PDE8B: variants seen among roughly 807,000 people sequenced by gnomAD.
The protein encoded by PDE8B is high affinity cAMP-specific and IBMX-insensitive 3',5'-cyclic phosphodiesterase 8B.
In PDE8B, 26 loss-of-function variants were observed where a neutral mutation model predicts 101.3. That is an observed-to-expected ratio of 0.26 (90% CI 0.19 to 0.36). The LOEUF is 0.36. Among genes scored for constraint, PDE8B ranks in the 10% least tolerant of loss-of-function variants. The probability of loss-of-function intolerance (pLI) is 1.00; values close to 1 mark genes in which losing one functional copy is unlikely to be tolerated. For synonymous variants in PDE8B, 424 were observed against 429.3 expected, an observed-to-expected ratio of 0.99 and a Z score of 0.15; for missense variants, 810 against 1,163.1, an observed-to-expected ratio of 0.70 and a Z score of 4.42.
At chr5:77,204,186 G>C in the PDE8B span, among the ~76,000 whole-genome samples, 2 of 151,440 alleles carry the variant, frequency 1.3e-5, no homozygotes, top group Non-Finnish European at 2.9e-5. Context: ...GAGGCAGGCA[G>C]AGCACCTGAG....
intron 1 of PDE8B, among the ~76,000 whole-genome samples, chr5:77,301,825 C>T (rs543755237): frequency 2.6e-5 from 4 of 152,292 alleles, no homozygotes; most frequent in Non-Finnish European, 5.9e-5. Context: ...TGCCTTGATT[C>T]CTGCACTGCA....
chr5:77,328,261 G>T (rs530051478), intron 3 of PDE8B, among the ~76,000 whole-genome samples: 1 of 152,228 alleles, frequency 6.6e-6, no homozygotes, highest in East Asian at 1.9e-4. Context: ...GCAGAATCTG[G>T]GCTGTAGCAT....
intron 1 of PDE8B, among the ~76,000 whole-genome samples, chr5:77,287,211 TTTTG>T (rs1243731593): frequency 1.3e-5 from 2 of 152,054 alleles, no homozygotes; most frequent in African/African-American, 4.8e-5. Context: ...AATTCTCTGT[TTTTG>T]TTTGTCTGGA....
At chr5:77,370,940 A>G (rs940830376) in intron 10 of PDE8B, among the ~76,000 whole-genome samples, 6 of 152,152 alleles carry the variant, frequency 3.9e-5, no homozygotes, top group Admixed American at 1.3e-4. Context: ...TTTAAATGTC[A>G]TCTTTTGTAA....
the PDE8B span, among the ~76,000 whole-genome samples, chr5:77,108,441 T>C: frequency 6.6e-6 from 1 of 152,180 alleles, no homozygotes; most frequent in Non-Finnish European, 1.5e-5. Context: ...CCCAGCTCTT[T>C]GGAAGGCCGA....
At chr5:77,156,677 A>T in the PDE8B span, among the ~76,000 whole-genome samples, 1 of 152,196 alleles carries the variant, frequency 6.6e-6, no homozygotes, top group African/African-American at 2.4e-5. Context: ...ACAGGATCAC[A>T]GTGAGAGCAG....
chr5:77,303,229 C>T (rs1351305885), intron 1 of PDE8B, among the ~76,000 whole-genome samples: 1 of 152,120 alleles, frequency 6.6e-6, no homozygotes, highest in Non-Finnish European at 1.5e-5. Flanking sequence ...CATGTACTCA[C>T]TATTTACTGC....
At chr5:77,318,055 CAAAAAA>C (rs55952764) in intron 2 of PDE8B, among the ~76,000 whole-genome samples, 1 of 57,190 alleles carries the variant, frequency 1.7e-5, no homozygotes, top group African/African-American at 7.1e-5. Flanking sequence ...GACTCCATCT[CAAAAAA>C]AAAAAAAAAA....
In PDE8B at chr5:77,404,423, C is replaced by T. The variant is rs146930756; in HGVS notation, c.1211-297C>T. 6.9e-3 allele frequency among the ~76,000 whole-genome samples: 1,044 copies of T among 152,250 alleles called. 7 individuals are homozygous for T. The highest frequency in any genetic ancestry group is 0.024 in the African/African-American group (1,000 of 41,560). On this transcript the variant is annotated intron_variant, in intron 11 of 21. Coordinates refer to ENST00000264917, the MANE Select transcript of PDE8B (RefSeq NM_003719.5). ...GATTACAGGTGTGAGGCCCTGCGCC[C>T]GGCCTAATGTTTATTTTCAAAATTA...
At chr5:77,371,201 T>C (rs916319065) in intron 10 of PDE8B, among the ~76,000 whole-genome samples, 1 of 152,198 alleles carries the variant, frequency 6.6e-6, no homozygotes, top group African/African-American at 2.4e-5. Flanking sequence ...TTACCTACCC[T>C]CAAGTCAGGA....
At chr5:77,261,623 C>G (rs953398686) in intron 1 of PDE8B, among the ~76,000 whole-genome samples, 1 of 152,240 alleles carries the variant, frequency 6.6e-6, no homozygotes, top group Non-Finnish European at 1.5e-5. Flanking sequence ...GCCAGACACA[C>G]CTTGTGCCTC....
At chr5:77,234,762 T>C (rs1241283570) in intron 1 of PDE8B, among the ~76,000 whole-genome samples, 1 of 152,188 alleles carries the variant, frequency 6.6e-6, no homozygotes, top group Non-Finnish European at 1.5e-5. Context: ...AGGGTAAATG[T>C]TATCTTTGGA....
chr5:77,424,386 T>C (rs1797445473), intron 20 of PDE8B, among the ~76,000 whole-genome samples: 1 of 152,216 alleles, frequency 6.6e-6, no homozygotes, highest in Non-Finnish European at 1.5e-5. Context: ...AAATGAAAGT[T>C]ACAAATGAAG....
chr5:77,299,590 A>G (rs1257907089), intron 1 of PDE8B, among the ~76,000 whole-genome samples: 1 of 151,852 alleles, frequency 6.6e-6, no homozygotes, highest in Non-Finnish European at 1.5e-5. Flanking sequence ...TGTCCCTACA[A>G]AGGACATGAA....
chr5:77,198,027 A>T, the PDE8B span, among the ~76,000 whole-genome samples: 1 of 151,786 alleles, frequency 6.6e-6, no homozygotes, highest in South Asian at 2.1e-4. Context: ...AGTGATTTTG[A>T]TTATATGCTA....
the PDE8B span, among the ~76,000 whole-genome samples, chr5:77,168,978 T>C: frequency 2.6e-5 from 4 of 152,222 alleles, no homozygotes; most frequent in African/African-American, 9.7e-5. Context: ...AGAGGTCTGA[T>C]AAGAGAGGCC....
the PDE8B span, among the ~76,000 whole-genome samples, chr5:77,150,694 A>G: frequency 1.3e-5 from 2 of 152,254 alleles, no homozygotes; most frequent in Non-Finnish European, 2.9e-5. Flanking sequence ...CAAAGTAATC[A>G]GATATAAGAG....
At chr5:77,098,302 A>AAG in the PDE8B span, among the ~76,000 whole-genome samples, 1 of 151,542 alleles carries the variant, frequency 6.6e-6, no homozygotes, top group Non-Finnish European at 1.5e-5. Flanking sequence ...TTAAAAAAAA[A>AAG]AAAGAAAGTC....
chr5:77,351,076 G>T lies in PDE8B; in HGVS notation c.1029G>T (p.Gly343=). 1.2e-6 allele frequency: 2 copies of T among 1,613,386 alleles called. No individual in the cohort carries two copies. Among genetic ancestry groups the T allele is most frequent in the Non-Finnish European group, 1.7e-6 (2 of 1,179,312 alleles). The change falls in exon 9 of 22, where the codon GGG becomes GGT. Residue 343 remains glycine, a synonymous_variant. Coordinates refer to ENST00000264917, the MANE Select transcript of PDE8B (RefSeq NM_003719.5). The part of the protein sequence containing the change: ...TCIKKGKEWQ[G]VYYARRKSGD... ...CTTTGTCCATGTAGGAGTGGCAGGG[G>T]GTTTACTATGCCAGACGGAAATCCG...
Sources: allele counts gnomAD v4.1 joint callset (sites outside exome capture counted in the v4.1 genomes callset), GRCh38; gene constraint gnomAD v4.1.1; transcripts MANE v1.5; gene names NCBI Gene and HGNC (gene_info 2026-07-23, HGNC 2026-07-21).